The following MAPK10 variants were observed in gnomAD, a reference collection of about 807,000 sequenced individuals.
MAPK10 encodes the protein mitogen-activated protein kinase 10.
MAPK10 carries 25 observed loss-of-function variants against 59.3 expected under a neutral mutation model. The ratio of observed to expected loss-of-function variants is 0.42; its 90% CI spans 0.31 to 0.59. The LOEUF is 0.59. Ranked by LOEUF, MAPK10 falls within the 20% of genes least tolerant of loss-of-function variation. The probability of loss-of-function intolerance (pLI) is 0.15; values close to 1 mark genes in which losing one functional copy is unlikely to be tolerated. For missense variants in MAPK10, 351 were observed against 568.9 expected, an observed-to-expected ratio of 0.62 and a Z score of 3.90; for synonymous variants, 190 against 200.5, an observed-to-expected ratio of 0.95 and a Z score of 0.44.
chr4:86,077,968 G>T (rs1037473866), intron 9 of MAPK10, among the ~76,000 whole-genome samples: 1 of 152,158 alleles, frequency 6.6e-6, no homozygotes, highest in Non-Finnish European at 1.5e-5. Context: ...CATATGCCAT[G>T]TGTTAAGCAT....
chr4:86,436,846 G>C (rs1277369221), intron 1 of MAPK10, among the ~76,000 whole-genome samples: 11 of 152,072 alleles, frequency 7.2e-5, no homozygotes, highest in Admixed American at 3.3e-4. Flanking sequence ...AAATTAAATA[G>C]AAGTGATGAT....
At chr4:86,412,438 T>C (rs1745311170) in intron 1 of MAPK10, among the ~76,000 whole-genome samples, 1 of 152,204 alleles carries the variant, frequency 6.6e-6, no homozygotes, top group Non-Finnish European at 1.5e-5. Context: ...TGAATTTGAA[T>C]GTTGGCCTGC....
intron 2 of MAPK10, among the ~76,000 whole-genome samples, chr4:86,244,899 C>T (rs1393752889): frequency 6.6e-6 from 1 of 152,168 alleles, no homozygotes; most frequent in East Asian, 1.9e-4. Context: ...ATTTGGAAGG[C>T]TCTAGATTGC....
At chr4:86,585,332 T>C (rs190133182) in intron 1 of MAPK10, among the ~76,000 whole-genome samples, 77 of 152,308 alleles carry the variant, frequency 5.1e-4, no homozygotes, top group African/African-American at 1.7e-3. Flanking sequence ...AAAACTGGAA[T>C]ATATTACAAA....
chr4:86,432,647 G>A (rs1395606432), intron 1 of MAPK10, among the ~76,000 whole-genome samples: 1 of 152,146 alleles, frequency 6.6e-6, no homozygotes, highest in Admixed American at 6.5e-5. Flanking sequence ...AGATTTCCAT[G>A]CAGGAACTTC....
chr4:86,085,323 G>A (rs1049783975), intron 9 of MAPK10, among the ~76,000 whole-genome samples: 2 of 152,074 alleles, frequency 1.3e-5, no homozygotes, highest in African/African-American at 4.8e-5. Flanking sequence ...TACAGAATGA[G>A]AGAAAATATT....
At chr4:86,112,223 C>T (rs1402425955) in intron 4 of MAPK10, among the ~76,000 whole-genome samples, 3 of 149,364 alleles carry the variant, frequency 2.0e-5, no homozygotes, top group African/African-American at 7.4e-5. Context: ...TTCAGTTCTG[C>T]TCTGAGCTTG....
rs574075883 is a variant in MAPK10 at position 86,391,030 on chromosome 4, T to A, written c.-121-36386A>T. 5.9e-5 allele frequency among the ~76,000 whole-genome samples: 9 copies of A among 152,334 alleles called. No individual in the cohort carries two copies. The South Asian group carries it at 1.9e-3, about 32-fold the overall frequency. On this transcript the variant is annotated intron_variant, in intron 1 of 13. Transcript: ENST00000361569. The stretch of plus-strand genomic sequence containing the variant: ...TGCAACCTTTTTAAAAATGTTAGAA[T>A]ATTGTTTAGGAAAGATCCTTTTATT...
chr4:86,412,160 G>A (rs1031634487), intron 1 of MAPK10, among the ~76,000 whole-genome samples: 4 of 152,126 alleles, frequency 2.6e-5, no homozygotes, highest in Non-Finnish European at 5.9e-5. Flanking sequence ...CACTTATGAA[G>A]CTTAGTTTGG....
At chr4:86,359,559 T>TTA in intron 1 of MAPK10, 99 bp downstream of exon 1, 1 of 441,098 alleles carries the variant, frequency 2.3e-6, no homozygotes, top group Non-Finnish European at 3.0e-6. Context: ...CTCTCGTCTC[T>TTA]TCCATACTCC....
At chr4:86,529,714 G>A (rs141547422) in intron 1 of MAPK10, among the ~76,000 whole-genome samples, 18 of 152,166 alleles carry the variant, frequency 1.2e-4, no homozygotes, top group African/African-American at 4.3e-4. Flanking sequence ...TGGGTGGTTG[G>A]GCCAATTCCC....
chr4:86,381,731 T>C (rs529625461), intron 1 of MAPK10, among the ~76,000 whole-genome samples: 1 of 152,248 alleles, frequency 6.6e-6, no homozygotes, highest in African/African-American at 2.4e-5. Flanking sequence ...AAGAAACAGA[T>C]GGCATAGTTT....
chr4:86,301,998 C>A (rs2095480792), intron 2 of MAPK10, among the ~76,000 whole-genome samples: 1 of 151,914 alleles, frequency 6.6e-6, no homozygotes, highest in African/African-American at 2.4e-5. Flanking sequence ...TTTTCTCCAT[C>A]TCAGAACAAT....
At chr4:86,529,509 C>A (rs895886779) in intron 1 of MAPK10, among the ~76,000 whole-genome samples, 1 of 152,210 alleles carries the variant, frequency 6.6e-6, no homozygotes, top group East Asian at 1.9e-4. Context: ...AAGTCTACTA[C>A]TTCAGAAGGT....
chr4:86,241,478 T>G (rs1341440111), intron 2 of MAPK10, among the ~76,000 whole-genome samples: 1 of 152,198 alleles, frequency 6.6e-6, no homozygotes, highest in Admixed American at 6.5e-5. Context: ...CAATTGTAGC[T>G]TTGGTCTTTT....
At chr4:86,450,176 A>G (rs1750537803) in intron 1 of MAPK10, among the ~76,000 whole-genome samples, 1 of 152,250 alleles carries the variant, frequency 6.6e-6, no homozygotes, top group Non-Finnish European at 1.5e-5. Flanking sequence ...AAACTAAGTC[A>G]AATACTGTGC....
At position 86,237,971 on chromosome 4, in the gene MAPK10, GT is replaced by G. The variant is rs1419410408; in HGVS notation, c.-6-43565del. On this transcript the variant is annotated intron_variant, in intron 2 of 13. Transcript: ENST00000641462. The stretch of plus-strand genomic sequence containing the variant: ...TATGTTCTCTACTAGGGTTTTTATA[GT>G]TTTGGGTTTTACATTTAAGTCATTA... Among the ~76,000 whole-genome samples, 6 of 152,254 alleles carry G rather than the reference GT, an allele frequency of 3.9e-5. No homozygotes were observed. The East Asian group carries it at 1.2e-3, about 29-fold the overall frequency.
At chr4:86,076,572 A>G (rs907511236) in intron 9 of MAPK10, among the ~76,000 whole-genome samples, 6 of 152,236 alleles carry the variant, frequency 3.9e-5, no homozygotes, top group Non-Finnish European at 7.3e-5. Flanking sequence ...ATTTGGCCAT[A>G]AAGTTAATGG....
chr4:86,549,138 A>G (rs765759314), intron 1 of MAPK10, among the ~76,000 whole-genome samples: 2 of 152,212 alleles, frequency 1.3e-5, no homozygotes, highest in Admixed American at 6.5e-5. Flanking sequence ...AGTAAAAATA[A>G]AAACTGTAAT....
Sources: allele counts gnomAD v4.1 joint callset (sites outside exome capture counted in the v4.1 genomes callset), GRCh38; gene constraint gnomAD v4.1.1; transcripts MANE v1.5; gene names NCBI Gene and HGNC (gene_info 2026-07-23, HGNC 2026-07-21).